Variants in RUBCNL observed in about 807,000 individuals in gnomAD.
RUBCNL encodes the protein rubicon like autophagy enhancer, also known as protein associated with UVRAG as autophagy enhancer.
In RUBCNL, 62 loss-of-function variants were observed where a neutral mutation model predicts 69.5. The observed-to-expected ratio is 0.89, with a 90% confidence interval of 0.73 to 1.10. The LOEUF (loss-of-function observed/expected upper bound fraction) is 1.10, where lower values mean the gene tolerates loss of function less well. Among genes scored for constraint, RUBCNL ranks in the 50% least tolerant of loss-of-function variants. The probability of loss-of-function intolerance (pLI) is 0.00; values close to 1 mark genes in which losing one functional copy is unlikely to be tolerated. For missense variants in RUBCNL, 768 were observed against 798.1 expected, an observed-to-expected ratio of 0.96 and a Z score of 0.45; for synonymous variants, 291 against 303.6, an observed-to-expected ratio of 0.96 and a Z score of 0.43.
In RUBCNL at chr13:46,350,275, C is replaced by A. The variant is rs747173963; in HGVS notation, c.1407G>T (p.Ser469=). ...TCATCAGGATTCGGGCAGGGATGCA[C>A]GACTCTGCATATGAGTGGCAGCAGT... ...FCDCCHSYAE[S]CIPARILMMW... The change falls in exon 11 of 15, where the codon TCG becomes TCT. Residue 469 remains serine, a synonymous_variant. Transcript: ENST00000429979. 1 of 1,587,270 alleles carries A rather than the reference C, an allele frequency of 6.3e-7. No homozygotes were observed.
At position 46,344,799 on chromosome 13, in the gene RUBCNL, A is replaced by T; in HGVS notation, c.1818T>A (p.Phe606Leu). 1.2e-6 allele frequency: 2 copies of T among 1,612,036 alleles called. No individual in the cohort carries two copies. Among genetic ancestry groups the T allele is most frequent in the Non-Finnish European group, 1.7e-6 (2 of 1,178,984 alleles). The change falls in exon 14 of 15, where the codon TTT becomes TTA. Residue 606 changes from phenylalanine (F) to leucine (L), a missense_variant. Physicochemically the swap from Phe to Leu is conservative, Grantham distance 22. Transcript: ENST00000429979. ...GGAAGATGACAGTCGTATTCTGGCAAAATTCACAAATAAAGCCCTTTCCTT... is the reference window on the plus strand; with the variant it reads ...GGAAGATGACAGTCGTATTCTGGCATAATTCACAAATAAAGCCCTTTCCTT... ...LCQGKGFICE[F>L]CQNTTVIFPF... is the part of the protein sequence containing the mutation.
chr13:46,354,979 T>C (rs2048452452), intron 10 of RUBCNL: 1 of 363,488 alleles, frequency 2.8e-6, no homozygotes, highest in African/African-American at 2.1e-5. Context: ...AGAGACATGT[T>C]CCCCACTAGA....
In RUBCNL at chr13:46,359,749, T is replaced by C; in HGVS notation, c.1120-118A>G. 3 of 1,033,846 alleles carry C rather than the reference T, an allele frequency of 2.9e-6. No homozygotes were observed. In the Admixed American group the frequency reaches 8.6e-5, roughly 30 times the overall value. The allele number at this position is 1,033,846 out of a possible 1,614,324, so 64.0% of individuals were successfully genotyped here. On this transcript the variant is annotated intron_variant, in intron 8 of 14. Transcript: ENST00000429979. ...ATTTACCATGAAAAATTAACAGTGCTTTTAACTGAACTAAAGGGCATACCA... is the reference window on the plus strand; with the variant it reads ...ATTTACCATGAAAAATTAACAGTGCCTTTAACTGAACTAAAGGGCATACCA...
chr13:46,357,722 C>T (rs2048522666), intron 9 of RUBCNL, among the ~76,000 whole-genome samples: 1 of 151,282 alleles, frequency 6.6e-6, no homozygotes, highest in Non-Finnish European at 1.5e-5. Flanking sequence ...CTTCACCTCC[C>T]AGGTTCAAGC....
In RUBCNL at chr13:46,337,847, A is replaced by T. The variant is rs989804900; in HGVS notation, c.*5538T>A. Among the ~76,000 whole-genome samples, 29 of 152,192 alleles carry T rather than the reference A, an allele frequency of 1.9e-4. No homozygotes were observed. Among genetic ancestry groups the T allele is most frequent in the African/African-American group, 5.3e-4 (22 of 41,458 alleles). ...AGGCACCGCACTCCTGAGTAGTTCTATTTCAAACAATCACTCAGGGAGCTG... is the reference window on the plus strand; with the variant it reads ...AGGCACCGCACTCCTGAGTAGTTCTTTTTCAAACAATCACTCAGGGAGCTG... On this transcript the variant is annotated 3_prime_UTR_variant, in exon 15 of 15. Transcript: ENST00000429979.
At position 46,359,632 on chromosome 13, in the gene RUBCNL, C is replaced by G. The variant is rs770029881; in HGVS notation, c.1120-1G>C. 5.7e-6 allele frequency: 9 copies of G among 1,567,388 alleles called. No homozygotes were observed. The East Asian group carries it at 1.8e-4, about 32-fold the overall frequency. The stretch of plus-strand genomic sequence containing the variant: ...TTCGGACACACTCTTCATTTACGAC[C>G]TGCATAAGACATAAAATGATTTAGG... On this transcript the variant is annotated splice_acceptor_variant, in intron 8 of 14. Transcript: ENST00000429979. LOFTEE classifies it high-confidence loss of function.
intron 13 of RUBCNL, 41 bp from the exon 14 acceptor site, chr13:46,344,872 T>A (rs2048210916): frequency 1.3e-5 from 17 of 1,322,748 alleles, no homozygotes; most frequent in Non-Finnish European, 1.8e-5. Context: ...CTTCTCTTGA[T>A]GGATAAGCTG....
intron 3 of RUBCNL, among the ~76,000 whole-genome samples, chr13:46,369,672 T>A (rs1240236688): frequency 1.3e-5 from 2 of 152,240 alleles, no homozygotes; most frequent in African/African-American, 4.8e-5. Flanking sequence ...TTACTGGCAA[T>A]GACCACCATC....
rs908040234 is a variant in RUBCNL at position 46,338,554 on chromosome 13, G to A, written c.*4831C>T. Among the ~76,000 whole-genome samples the A allele has an allele frequency of 2.0e-5, 3 of 152,242 alleles. No homozygotes were observed. Among genetic ancestry groups the A allele is most frequent in the Non-Finnish European group, 2.9e-5 (2 of 68,018 alleles). ...CAGGAGGGGTGGGGGCTTTGGGTGC[G>A]CTTGCCCTTTGTCTCCTCACCAATG... is the stretch of plus-strand genomic sequence containing the variant. On this transcript the variant is annotated 3_prime_UTR_variant, in exon 15 of 15. Coordinates refer to ENST00000429979, the MANE Select transcript of RUBCNL (RefSeq NM_025113.5).
Position 46,363,340 on chromosome 13 carries a change from T to A in RUBCNL, c.827-127A>T, listed in dbSNP as rs983523099. On this transcript the variant is annotated intron_variant, in intron 5 of 14. Coordinates refer to ENST00000429979, the MANE Select transcript of RUBCNL (RefSeq NM_025113.5). ...TAAAAGTTTAAGAGAATTAAACATT[T>A]CAACTTAAAGAATTAAAAAACTGGG... The A allele has an allele frequency of 2.0e-5, 7 of 356,972 alleles. No individual in the cohort carries two copies. The Admixed American group carries it at 2.4e-4, about 12-fold the overall frequency. 22.1% of individuals were successfully genotyped at this position (356,972 alleles called of 1,614,324 possible). A position where few individuals can be genotyped will look rare whatever the true frequency, so the allele number is the denominator to read the frequency against.
chr13:46,372,533 G>A lies in RUBCNL; in HGVS notation c.-58C>T. On this transcript the variant is annotated 5_prime_UTR_variant, in exon 3 of 15. Coordinates refer to ENST00000429979, the MANE Select transcript of RUBCNL (RefSeq NM_025113.5). ...CAAAACAGATAGGAGTTCCCTGATT[G>A]CTGGTACTACTTGATTTGGGCCCTG... The A allele has an allele frequency of 6.6e-7, 1 of 1,524,022 alleles. No individual in the cohort carries two copies. The allele number at this position is 1,524,022 out of a possible 1,614,324, so 94.4% of individuals were successfully genotyped here.
In RUBCNL at chr13:46,359,523, T is replaced by C; in HGVS notation, c.1228A>G (p.Arg410Gly). 1.3e-6 allele frequency: 2 copies of C among 1,598,696 alleles called. No individual in the cohort carries two copies. The highest frequency in any genetic ancestry group is 1.7e-6 in the Non-Finnish European group (2 of 1,172,050). ...TGAATATTAAATATGATTTGAAATC[T>C]AGGAGGAGCCCAGTCTTCAGTCCCT... ...IRGTEDWAPP[R>G]FQIIFNIHPP... The change falls in exon 9 of 15, where the codon AGA becomes GGA. Residue 410 changes from arginine to glycine, a missense_variant. By Grantham distance (125) the Arg-to-Gly change is moderately radical. Transcript: ENST00000429979.
At chr13:46,375,902 G>A (rs1183676514) in intron 2 of RUBCNL, among the ~76,000 whole-genome samples, 4 of 152,178 alleles carry the variant, frequency 2.6e-5, no homozygotes, top group East Asian at 1.9e-4. Flanking sequence ...CTGTCACCAT[G>A]AGGCAGCAAG....
rs1440340954 is a variant in RUBCNL, at chr13:46,335,823, G to A, written c.*7562C>T. ...GGTCTATGGTGGTGCCATTTTCTGA[G>A]ATGGAAAAGCCTGTAAAGAAATACT... On this transcript the variant is annotated 3_prime_UTR_variant, in exon 15 of 15. Coordinates refer to ENST00000429979, the MANE Select transcript of RUBCNL (RefSeq NM_025113.5). Among the ~76,000 whole-genome samples the A allele has an allele frequency of 6.6e-6, 1 of 152,208 alleles. No homozygotes were observed. The highest frequency in any genetic ancestry group is 1.5e-5 in the Non-Finnish European group (1 of 68,034).
intron 5 of RUBCNL, 80 bp downstream of exon 5, chr13:46,367,962 C>A: frequency 7.6e-7 from 1 of 1,318,714 alleles, no homozygotes; most frequent in South Asian, 1.2e-5. Context: ...GGAATATATG[C>A]CCCGTGGATA....
At position 46,372,216 on chromosome 13, in the gene RUBCNL, G is replaced by T. The variant is rs779019771; in HGVS notation, c.260C>A (p.Pro87His). 1.1e-5 allele frequency: 18 copies of T among 1,614,036 alleles called. No homozygotes were observed. The East Asian group carries it at 4.0e-4, about 36-fold the overall frequency. ...GAGGCACGAAGGTGAAGGGCCTGAG[G>T]GAGAGGCAGCATCTGTCACAAAATG... ...GTHFVTDAAS[P>H]SGPSPSCLGD... is the part of the protein sequence containing the mutation. The change falls in exon 3 of 15, where the codon CCC becomes CAC. Residue 87 changes from proline (P) to histidine (H), a missense_variant. Physicochemically the swap from Pro to His is moderately conservative, Grantham distance 77. Transcript: ENST00000429979.
Position 46,338,621 on chromosome 13 carries a change from T to C in RUBCNL, c.*4764A>G, listed in dbSNP as rs1178800073. Among the ~76,000 whole-genome samples the C allele has an allele frequency of 6.6e-6, 1 of 151,954 alleles. No individual in the cohort carries two copies. Among genetic ancestry groups the C allele is most frequent in the African/African-American group, 2.4e-5 (1 of 41,346 alleles). On this transcript the variant is annotated 3_prime_UTR_variant, in exon 15 of 15. Coordinates refer to ENST00000429979, the MANE Select transcript of RUBCNL (RefSeq NM_025113.5). ...GAGGAAGGCCAGAGCAGGGCCTCTTTCCAGGATGAAAGGGCAGTCCTGATC... is the reference window on the plus strand; with the variant it reads ...GAGGAAGGCCAGAGCAGGGCCTCTTCCCAGGATGAAAGGGCAGTCCTGATC...
At chr13:46,384,182 T>A (rs991509721) in intron 1 of RUBCNL, among the ~76,000 whole-genome samples, 2 of 152,236 alleles carry the variant, frequency 1.3e-5, no homozygotes, top group African/African-American at 4.8e-5. Context: ...GCCATATTTT[T>A]AAAAATACTT....
At chr13:46,354,940 A>G (rs191433299) in intron 10 of RUBCNL, 1 of 433,504 alleles carries the variant, frequency 2.3e-6, no homozygotes, top group Admixed American at 2.5e-5. Flanking sequence ...CAATATTTAC[A>G]GAAGCGCCAG....
Sources: allele counts gnomAD v4.1 joint callset (sites outside exome capture counted in the v4.1 genomes callset), GRCh38; gene constraint gnomAD v4.1.1; transcripts MANE v1.5; gene names NCBI Gene and HGNC (gene_info 2026-07-23, HGNC 2026-07-21).